The following IMMP2L variants were observed in gnomAD, a reference collection of about 807,000 sequenced individuals.
The protein encoded by IMMP2L is inner mitochondrial membrane peptidase subunit 2, also known as mitochondrial inner membrane protease subunit 2.
In IMMP2L, 18 loss-of-function variants were observed where a neutral mutation model predicts 19.3. The ratio of observed to expected loss-of-function variants is 0.93; its 90% CI spans 0.64 to 1.38. The LOEUF (loss-of-function observed/expected upper bound fraction) is 1.38. Among genes scored for constraint, IMMP2L ranks in the 40% most tolerant of loss-of-function variants. The pLI, the probability that IMMP2L is intolerant of heterozygous loss-of-function variation, is 0.00. For missense variants in IMMP2L, 233 were observed against 218.2 expected (o/e 1.07, Z -0.43); for synonymous variants, 76 against 73.0 (o/e 1.04, Z -0.21).
At chr7:110,899,633 A>G (rs1052111065) in intron 4 of IMMP2L, among the ~76,000 whole-genome samples, 6 of 152,204 alleles carry the variant, frequency 3.9e-5, no homozygotes, top group Non-Finnish European at 7.3e-5. Flanking sequence ...CAGCATTCAT[A>G]TGAATGTAGG....
intron 3 of IMMP2L, among the ~76,000 whole-genome samples, chr7:111,074,219 A>T (rs1303708348): frequency 1.3e-5 from 2 of 152,222 alleles, no homozygotes; most frequent in African/African-American, 4.8e-5. Flanking sequence ...TTGAAGTCAG[A>T]GCAAAAATAA....
intron 5 of IMMP2L, among the ~76,000 whole-genome samples, chr7:110,883,953 A>G (rs1585133028): frequency 6.6e-6 from 1 of 152,186 alleles, no homozygotes; most frequent in Middle Eastern, 3.4e-3. Context: ...GGAACATATT[A>G]TCTAGGAGAA....
chr7:110,705,309 G>A (rs990212231), intron 5 of IMMP2L, among the ~76,000 whole-genome samples: 2 of 152,090 alleles, frequency 1.3e-5, no homozygotes, highest in Non-Finnish European at 2.9e-5. Flanking sequence ...GGTGAACAAA[G>A]AGTAAACACA....
At chr7:111,450,911 G>A (rs1242405335) in intron 3 of IMMP2L, among the ~76,000 whole-genome samples, 6 of 151,710 alleles carry the variant, frequency 4.0e-5, no homozygotes, top group Non-Finnish European at 7.4e-5. Flanking sequence ...ACATGAACAG[G>A]CACTTCTCAA....
chr7:111,217,662 C>A (rs1000296415), intron 3 of IMMP2L, among the ~76,000 whole-genome samples: 1 of 151,984 alleles, frequency 6.6e-6, no homozygotes, highest in African/African-American at 2.4e-5. Flanking sequence ...CTTTTATAAA[C>A]AATAACAAAA....
rs548895731 is a variant in IMMP2L at position 111,388,632 on chromosome 7, T to C, written c.239+98606A>G. 1.4e-3 allele frequency among the ~76,000 whole-genome samples: 208 copies of C among 152,194 alleles called. 1 individual carries two copies. Among genetic ancestry groups the C allele is most frequent in the African/African-American group, 4.7e-3 (197 of 41,518 alleles). ...CATGGCTGAGGAGGCCTCAGTATCATGGCAGGAAGCGAAAAGTACTTCTTA... is the reference window on the plus strand; with the variant it reads ...CATGGCTGAGGAGGCCTCAGTATCACGGCAGGAAGCGAAAAGTACTTCTTA... On this transcript the variant is annotated intron_variant, in intron 3 of 5. Transcript: ENST00000405709.
At chr7:111,496,225 G>C (rs1248251594) in intron 2 of IMMP2L, among the ~76,000 whole-genome samples, 2 of 152,090 alleles carry the variant, frequency 1.3e-5, no homozygotes, top group African/African-American at 4.8e-5. Context: ...TCCATAATTT[G>C]CATGGCTTCT....
chr7:111,094,431 G>T (rs112439007), intron 3 of IMMP2L, among the ~76,000 whole-genome samples: 131 of 152,098 alleles, frequency 8.6e-4, no homozygotes, highest in African/African-American at 3.0e-3. Flanking sequence ...AAATAATGTG[G>T]CTCCAGCCAG....
At chr7:111,482,950 A>T (rs1295820275) in intron 3 of IMMP2L, among the ~76,000 whole-genome samples, 1 of 152,212 alleles carries the variant, frequency 6.6e-6, no homozygotes, top group Non-Finnish European at 1.5e-5. Flanking sequence ...AGGTGACTAA[A>T]GAGACATAAA....
At chr7:110,962,476 T>G (rs1819056613) in intron 4 of IMMP2L, 1 of 152,244 alleles carries the variant, frequency 6.6e-6, no homozygotes, top group African/African-American at 2.4e-5. Context: ...TCTTTTTAGT[T>G]TCTGGCTTAA....
chr7:111,123,923 C>A lies in IMMP2L; in HGVS notation c.240-160358G>T. The A allele has an allele frequency of 6.2e-7, 1 of 1,614,012 alleles. No individual in the cohort carries two copies. Among genetic ancestry groups the A allele is most frequent in the East Asian group, 2.2e-5 (1 of 44,846 alleles). ...ATCCGTTGGATGAACATGAACAAAA[C>A]CAACATTCGATTCATGGAGCCAGAT... On this transcript the variant is annotated intron_variant, in intron 3 of 5. Transcript: ENST00000405709. This position sits in a 1 kb window ranked among gnomAD's most constrained non-coding sequence, Gnocchi z 6.4.
At chr7:111,205,921 G>A (rs1203897893) in intron 3 of IMMP2L, among the ~76,000 whole-genome samples, 1 of 152,138 alleles carries the variant, frequency 6.6e-6, no homozygotes, top group East Asian at 1.9e-4. Flanking sequence ...TAATAACATA[G>A]AAGAAACTGG....
chr7:110,892,323 G>C (rs1030708321), intron 4 of IMMP2L, among the ~76,000 whole-genome samples: 1 of 152,038 alleles, frequency 6.6e-6, no homozygotes, highest in African/African-American at 2.4e-5. Flanking sequence ...CTTGTCTCAG[G>C]CCATTGTATG....
chr7:111,483,067 A>G (rs1842331944), intron 3 of IMMP2L, among the ~76,000 whole-genome samples: 1 of 152,182 alleles, frequency 6.6e-6, no homozygotes, highest in Non-Finnish European at 1.5e-5. Flanking sequence ...TATTCGTCTA[A>G]TAAGATTAGA....
chr7:110,918,376 T>G (rs1813853450), intron 4 of IMMP2L, among the ~76,000 whole-genome samples: 1 of 152,068 alleles, frequency 6.6e-6, no homozygotes, highest in Non-Finnish European at 1.5e-5. Flanking sequence ...TTTAGCGTCT[T>G]TCACCATAAT....
At chr7:111,299,838 A>G (rs1471174038) in intron 3 of IMMP2L, among the ~76,000 whole-genome samples, 1 of 152,018 alleles carries the variant, frequency 6.6e-6, no homozygotes, top group Non-Finnish European at 1.5e-5. Flanking sequence ...GGCCCATTTT[A>G]AAAAGAAAAG....
At chr7:111,040,482 C>T (rs911916041) in intron 3 of IMMP2L, among the ~76,000 whole-genome samples, 2 of 151,914 alleles carry the variant, frequency 1.3e-5, no homozygotes, top group African/African-American at 2.4e-5. Flanking sequence ...TTCTGCCAAA[C>T]AATTACAGCA....
At chr7:111,175,358 T>C (rs2129609871) in intron 3 of IMMP2L, among the ~76,000 whole-genome samples, 1 of 151,976 alleles carries the variant, frequency 6.6e-6, no homozygotes, top group Admixed American at 6.6e-5. Context: ...TGTCTATTCT[T>C]TTAATTTCTA....
At chr7:111,293,551 G>A (rs1024407507) in intron 3 of IMMP2L, among the ~76,000 whole-genome samples, 67 of 151,166 alleles carry the variant, frequency 4.4e-4, no homozygotes, top group Admixed American at 4.4e-3. Flanking sequence ...AAGCACTTAC[G>A]GATATGCTTC....
Sources: allele counts gnomAD v4.1 joint callset (sites outside exome capture counted in the v4.1 genomes callset), GRCh38; gene constraint gnomAD v4.1.1; non-coding constraint Gnocchi (gnomAD v3.1); transcripts MANE v1.5; gene names NCBI Gene and HGNC (gene_info 2026-07-23, HGNC 2026-07-21).